Variants in GALNTL6 observed in about 807,000 individuals in gnomAD.
GALNTL6 encodes polypeptide N-acetylgalactosaminyltransferase like 6, also known as polypeptide N-acetylgalactosaminyltransferase-like 6.
In GALNTL6, 46 loss-of-function variants were observed where a neutral mutation model predicts 73.7. The ratio of observed to expected loss-of-function variants is 0.62; its 90% CI spans 0.49 to 0.80. The LOEUF is 0.80. GALNTL6 is among the 30% of genes least tolerant of loss of function. The pLI is 0.00. For synonymous variants in GALNTL6, 259 were observed against 263.7 expected (o/e 0.98, Z 0.17); for missense variants, 604 against 755.0 (o/e 0.80, Z 2.34).
At chr4:172,676,635 C>T (rs1405746749) in intron 5 of GALNTL6, among the ~76,000 whole-genome samples, 1 of 152,162 alleles carries the variant, frequency 6.6e-6, no homozygotes, top group East Asian at 1.9e-4. Context: ...TATATTACTC[C>T]AACAGGCACT....
At chr4:172,128,020 G>A (rs72994115) in intron 2 of GALNTL6, among the ~76,000 whole-genome samples, 1,676 of 152,070 alleles carry the variant, frequency 0.011, 35 homozygotes, top group African/African-American at 0.036. Flanking sequence ...CAGGAGAATC[G>A]CTTGAACTTG....
chr4:172,803,720 C>G (rs1299568968), intron 5 of GALNTL6, among the ~76,000 whole-genome samples: 1 of 152,012 alleles, frequency 6.6e-6, no homozygotes, highest in African/African-American at 2.4e-5. Flanking sequence ...TTTATATTAG[C>G]AAAAAATATA....
At chr4:172,973,992 AT>A (rs912982675) in intron 10 of GALNTL6, among the ~76,000 whole-genome samples, 13 of 152,348 alleles carry the variant, frequency 8.5e-5, no homozygotes, top group African/African-American at 2.9e-4. Flanking sequence ...TAATAAATGT[AT>A]TTTTTAAATG....
At chr4:172,521,032 G>T (rs550005087) in intron 5 of GALNTL6, among the ~76,000 whole-genome samples, 4 of 152,096 alleles carry the variant, frequency 2.6e-5, no homozygotes, top group African/African-American at 9.6e-5. Flanking sequence ...AAAGTGAAAA[G>T]ATGTTTTCTT....
intron 2 of GALNTL6, among the ~76,000 whole-genome samples, chr4:171,934,596 T>G (rs1230324274): frequency 6.6e-6 from 1 of 151,974 alleles, no homozygotes; most frequent in Non-Finnish European, 1.5e-5. Flanking sequence ...TTGTATTTTT[T>G]GTAGAGACAG....
intron 3 of GALNTL6, among the ~76,000 whole-genome samples, chr4:172,290,005 T>G (rs1023062947): frequency 6.6e-6 from 1 of 152,224 alleles, no homozygotes; most frequent in African/African-American, 2.4e-5. Flanking sequence ...TTCCTAGGAT[T>G]CAGTTATTTC....
At chr4:172,790,683 G>T (rs1314699806) in intron 5 of GALNTL6, among the ~76,000 whole-genome samples, 1 of 152,080 alleles carries the variant, frequency 6.6e-6, no homozygotes, top group African/African-American at 2.4e-5. Flanking sequence ...ACGAGGTCAG[G>T]AGTTCAAGAC....
intron 5 of GALNTL6, among the ~76,000 whole-genome samples, chr4:172,478,156 G>GA (rs998402717): frequency 6.3e-4 from 96 of 151,412 alleles, no homozygotes; most frequent in African/African-American, 2.1e-3. Context: ...CACAGAATTA[G>GA]AAAAAAAAAA....
chr4:172,892,702 G>A (rs928776291), intron 8 of GALNTL6, among the ~76,000 whole-genome samples: 4 of 150,038 alleles, frequency 2.7e-5, no homozygotes, highest in South Asian at 2.1e-4. Context: ...ACTCTTAAGT[G>A]GTCTGGAGAT....
intron 5 of GALNTL6, among the ~76,000 whole-genome samples, chr4:172,764,421 T>A (rs1284163280): frequency 1.3e-5 from 2 of 152,092 alleles, no homozygotes; most frequent in Non-Finnish European, 2.9e-5. Context: ...GAATCTATCT[T>A]AAGGAAATAA....
intron 5 of GALNTL6, among the ~76,000 whole-genome samples, chr4:172,431,341 C>G (rs918962749): frequency 6.6e-6 from 1 of 152,160 alleles, no homozygotes; most frequent in Admixed American, 6.5e-5. Flanking sequence ...GTACTGACTA[C>G]TCACATTAAT....
chr4:172,808,472 A>G (rs1428142986), intron 5 of GALNTL6, among the ~76,000 whole-genome samples: 2 of 152,232 alleles, frequency 1.3e-5, no homozygotes, highest in African/African-American at 2.4e-5. Context: ...ACTTCAATGA[A>G]TACTAGACTA....
intron 5 of GALNTL6, among the ~76,000 whole-genome samples, chr4:172,571,647 T>C (rs1736766292): frequency 6.6e-6 from 1 of 152,154 alleles, no homozygotes; most frequent in African/African-American, 2.4e-5. Flanking sequence ...AAATTCAACA[T>C]AATTGGGGAG....
At chr4:172,592,143 G>C (rs981628894) in intron 5 of GALNTL6, among the ~76,000 whole-genome samples, 1 of 152,192 alleles carries the variant, frequency 6.6e-6, no homozygotes, top group South Asian at 2.1e-4. Flanking sequence ...AAGAAGCATG[G>C]TGCCAGCATC....
chr4:172,297,499 T>C (rs1341712693), intron 3 of GALNTL6, among the ~76,000 whole-genome samples: 2 of 152,200 alleles, frequency 1.3e-5, no homozygotes, highest in African/African-American at 2.4e-5. Context: ...GTCTAACATA[T>C]AAGTCTTTAA....
At chr4:172,491,853 G>A (rs894700608) in intron 5 of GALNTL6, among the ~76,000 whole-genome samples, 3 of 152,126 alleles carry the variant, frequency 2.0e-5, no homozygotes, top group East Asian at 1.9e-4. Flanking sequence ...GATGGCATTG[G>A]TGTTCCTCAA....
At chr4:172,220,659 C>T (rs1736642405) in intron 2 of GALNTL6, among the ~76,000 whole-genome samples, 1 of 151,790 alleles carries the variant, frequency 6.6e-6, no homozygotes, top group Non-Finnish European at 1.5e-5. Context: ...AACACCAACT[C>T]AGCTATTAGG....
intron 2 of GALNTL6, among the ~76,000 whole-genome samples, chr4:172,152,735 A>G (rs1734138948): frequency 6.6e-6 from 1 of 152,088 alleles, no homozygotes; most frequent in Non-Finnish European, 1.5e-5. Context: ...CAGCCTCCCA[A>G]GTAGCTGGGA....
chr4:172,521,340 T>C (rs1182755744), intron 5 of GALNTL6, among the ~76,000 whole-genome samples: 1 of 152,154 alleles, frequency 6.6e-6, no homozygotes, highest in Non-Finnish European at 1.5e-5. Context: ...TAAAACATTT[T>C]ACCACAAACA....
Sources: allele counts gnomAD v4.1 joint callset (sites outside exome capture counted in the v4.1 genomes callset), GRCh38; gene constraint gnomAD v4.1.1; transcripts MANE v1.5; gene names NCBI Gene and HGNC (gene_info 2026-07-23, HGNC 2026-07-21).